Variants in ESRRG observed in about 807,000 individuals in gnomAD.
ESRRG encodes estrogen related receptor gamma.
Under a neutral mutation model 44.0 loss-of-function variants are expected in ESRRG, and 13 were observed. That is an observed-to-expected ratio of 0.30 (90% CI 0.19 to 0.47). ESRRG has a LOEUF of 0.47. ESRRG is among the 20% of genes least tolerant of loss of function. ESRRG has a pLI of 1.00. For missense variants in ESRRG, 395 were observed against 580.6 expected, an observed-to-expected ratio of 0.68 and a Z score of 3.29; for synonymous variants, 215 against 214.6, an observed-to-expected ratio of 1.00 and a Z score of -0.02.
At position 216,760,499 on chromosome 1, in the gene ESRRG, A is replaced by G. The variant is rs543770377; in HGVS notation, c.-13-83008T>C. Among the ~76,000 whole-genome samples, 5 of 152,120 alleles carry G rather than the reference A, an allele frequency of 3.3e-5. No individual in the cohort carries two copies. In the South Asian group the frequency reaches 8.3e-4, roughly 25 times the overall value. ...GCATCTGTAGTCCCAGCTACTCAGG[A>G]GGCTGAGGTAGGAGGATCACTTGAG... On this transcript the variant is annotated intron_variant, in intron 2 of 7. Transcript: ENST00000359162.
At chr1:216,880,983 A>G (rs1202088801) in intron 2 of ESRRG, among the ~76,000 whole-genome samples, 2 of 152,156 alleles carry the variant, frequency 1.3e-5, no homozygotes, top group East Asian at 3.8e-4. Context: ...ATAAATATTA[A>G]TTGAAAATGA....
chr1:217,091,699 C>T (rs2092347879), upstream of ESRRG, among the ~76,000 whole-genome samples: 1 of 152,124 alleles, frequency 6.6e-6, no homozygotes, highest in Non-Finnish European at 1.5e-5. Flanking sequence ...TGAATTGGTG[C>T]AGTCTTGTCG....
chr1:216,842,713 T>A (rs1414565705), intron 2 of ESRRG, among the ~76,000 whole-genome samples: 1 of 152,178 alleles, frequency 6.6e-6, no homozygotes, highest in Non-Finnish European at 1.5e-5. Context: ...AAGACATGCA[T>A]CTTTATCTAC....
At chr1:216,658,891 AAGAGAAGAGAAGAGAAGAGAAGAGAAAT>A (rs2071440555) in intron 2 of ESRRG, among the ~76,000 whole-genome samples, 1 of 150,070 alleles carries the variant, frequency 6.7e-6, no homozygotes, top group Non-Finnish European at 1.5e-5. Flanking sequence ...AAGAGAAGAG[AAGAGAAGAGAAGAGAAGAGAAGAGAAAT>A]AAAGAAAAGA....
At chr1:216,900,275 C>G (rs1412702091) in intron 2 of ESRRG, among the ~76,000 whole-genome samples, 1 of 152,170 alleles carries the variant, frequency 6.6e-6, no homozygotes, top group East Asian at 1.9e-4. Flanking sequence ...GCCAGGGCTC[C>G]TGGGCCGACA....
chr1:216,976,576 C>G (rs945152271), intron 1 of ESRRG, among the ~76,000 whole-genome samples: 4 of 152,124 alleles, frequency 2.6e-5, no homozygotes, highest in African/African-American at 9.7e-5. Flanking sequence ...AAGCGATATC[C>G]TTCAATGCTA....
At chr1:216,631,951 C>T (rs1223653310) in intron 3 of ESRRG, among the ~76,000 whole-genome samples, 1 of 152,114 alleles carries the variant, frequency 6.6e-6, no homozygotes, top group East Asian at 1.9e-4. Flanking sequence ...CTCTCTCCCT[C>T]CTGAGGTGCC....
At chr1:216,990,000 G>A (rs770470721) in intron 1 of ESRRG, among the ~76,000 whole-genome samples, 3 of 152,032 alleles carry the variant, frequency 2.0e-5, no homozygotes, top group Non-Finnish European at 4.4e-5. Flanking sequence ...AGATGTGGAC[G>A]GTTAACAAGG....
rs915908530 is a variant in ESRRG at position 216,503,717 on chromosome 1, T to C, written c.*3222A>G. The C allele has an allele frequency of 6.6e-5, 10 of 152,608 alleles. No individual in the cohort carries two copies. The highest frequency in any genetic ancestry group is 2.4e-4 in the African/African-American group (10 of 41,452). The allele number at this position is 152,608 out of a possible 1,614,324, so 9.5% of individuals were successfully genotyped here. A position where few individuals can be genotyped will look rare whatever the true frequency, so the allele number is the denominator to read the frequency against. ...AAAAATAGCAGTTTTAAATTTTTTA[T>C]ATCTTTTATGTTATCATTTAAATGC... On this transcript the variant is annotated 3_prime_UTR_variant, in exon 7 of 7. Transcript: ENST00000408911.
chr1:216,954,316 C>T (rs932057761), intron 1 of ESRRG, among the ~76,000 whole-genome samples: 4 of 152,078 alleles, frequency 2.6e-5, no homozygotes, highest in African/African-American at 7.2e-5. Context: ...GTCTTCACAC[C>T]TCTTGGATGG....
chr1:216,539,483 A>ACC (rs1388894834), intron 5 of ESRRG, among the ~76,000 whole-genome samples: 1 of 151,762 alleles, frequency 6.6e-6, no homozygotes, highest in Non-Finnish European at 1.5e-5. Context: ...ACCCTCCCTG[A>ACC]CCCTCGGTTC....
chr1:216,525,227 T>C (rs984530561), intron 5 of ESRRG, among the ~76,000 whole-genome samples: 66 of 152,174 alleles, frequency 4.3e-4, no homozygotes, highest in African/African-American at 1.5e-3. Context: ...TGGGAGTTTT[T>C]TTTAACAACT....
intron 4 of ESRRG, among the ~76,000 whole-genome samples, chr1:216,564,906 G>A (rs1397446576): frequency 8.5e-5 from 13 of 152,096 alleles, no homozygotes; most frequent in Admixed American, 7.2e-4. Flanking sequence ...CTGCCTTGGT[G>A]AATTACTGAC....
chr1:216,716,919 A>G lies in ESRRG; in HGVS notation c.56+6325T>C, dbSNP rs137863563. On this transcript the variant is annotated intron_variant, in intron 1 of 6. Transcript: ENST00000408911. ...GATCTTTGCCAGTATACTGAAATGGACTTTAACTGACCAGAAGGAAGCCAA... is the reference window on the plus strand; with the variant it reads ...GATCTTTGCCAGTATACTGAAATGGGCTTTAACTGACCAGAAGGAAGCCAA... Among the ~76,000 whole-genome samples, 657 of 151,986 alleles carry G rather than the reference A, an allele frequency of 4.3e-3. 4 individuals are homozygous for G. Among genetic ancestry groups the G allele is most frequent in the Non-Finnish European group, 7.7e-3 (519 of 67,768 alleles).
chr1:216,535,498 G>A (rs914546983), intron 5 of ESRRG, among the ~76,000 whole-genome samples: 3 of 152,100 alleles, frequency 2.0e-5, no homozygotes, highest in Admixed American at 6.6e-5. Flanking sequence ...AAGGACATCA[G>A]ATATAAATAC....
At chr1:217,013,204 T>C (rs1019013240) in intron 1 of ESRRG, among the ~76,000 whole-genome samples, 10 of 152,154 alleles carry the variant, frequency 6.6e-5, no homozygotes, top group Middle Eastern at 3.2e-3. Context: ...TTTCTTGGAG[T>C]ATACAATTCA....
intron 3 of ESRRG, among the ~76,000 whole-genome samples, chr1:216,639,703 T>C (rs2066000899): frequency 6.6e-6 from 1 of 152,174 alleles, no homozygotes; most frequent in Non-Finnish European, 1.5e-5. Flanking sequence ...GTAGAAAAGA[T>C]TTAATAGATG....
intron 2 of ESRRG, among the ~76,000 whole-genome samples, chr1:216,661,427 C>A (rs1363104562): frequency 6.6e-6 from 1 of 152,136 alleles, no homozygotes; most frequent in Non-Finnish European, 1.5e-5. Flanking sequence ...AAACATGCAA[C>A]AACAACAAAA....
intron 3 of ESRRG, among the ~76,000 whole-genome samples, chr1:216,608,579 C>G (rs1406635012): frequency 6.6e-6 from 1 of 152,146 alleles, no homozygotes; most frequent in Non-Finnish European, 1.5e-5. Flanking sequence ...TTACTGGGCC[C>G]TTGTGCATGG....
Sources: gnomAD v4.1 joint callset for allele counts (sites outside exome capture counted in the v4.1 genomes callset) on GRCh38, gnomAD v4.1.1 for gene constraint, MANE v1.5 for transcripts, NCBI Gene and HGNC (gene_info 2026-07-23, HGNC 2026-07-21) for gene names.